The following CSMD1 variants were observed in gnomAD, a reference collection of about 807,000 sequenced individuals.
CSMD1 encodes the protein CUB and sushi domain-containing protein 1.
A neutral mutation model predicts 417.5 loss-of-function variants in CSMD1; 213 were observed. The ratio of observed to expected loss-of-function variants is 0.51; its 90% CI spans 0.46 to 0.57. CSMD1 has a LOEUF of 0.57. Ranked by LOEUF, CSMD1 falls within the 20% of genes least tolerant of loss-of-function variation. The pLI is 0.00. For missense variants in CSMD1, 6,923 were observed against 4,529.7 expected (o/e 1.53, Z -15.17); for synonymous variants, 2,862 against 1,736.8 (o/e 1.65, Z -16.11).
intron 3 of CSMD1, among the ~76,000 whole-genome samples, chr8:4,181,763 T>C (rs968407037): frequency 6.6e-6 from 1 of 152,194 alleles, no homozygotes; most frequent in African/African-American, 2.4e-5. Context: ...TATCTTGTCA[T>C]TGAAATATTA....
intron 8 of CSMD1, among the ~76,000 whole-genome samples, chr8:3,588,167 A>T (rs1800687478): frequency 6.6e-6 from 1 of 152,006 alleles, no homozygotes; most frequent in Non-Finnish European, 1.5e-5. Flanking sequence ...TAATATTCAT[A>T]GTTTTCATCA....
intron 10 of CSMD1, among the ~76,000 whole-genome samples, chr8:3,542,823 C>T (rs540288006): frequency 2.0e-5 from 3 of 152,300 alleles, no homozygotes; most frequent in Admixed American, 6.5e-5. Flanking sequence ...AAGCAAGATC[C>T]ATAACCCTGG....
chr8:4,145,168 T>C (rs897656433), intron 3 of CSMD1, among the ~76,000 whole-genome samples: 3 of 151,166 alleles, frequency 2.0e-5, no homozygotes, highest in African/African-American at 7.4e-5. Flanking sequence ...ACGAACCCAT[T>C]CATTCAATTA....
At chr8:4,183,404 A>G (rs1023468281) in intron 3 of CSMD1, among the ~76,000 whole-genome samples, 1 of 152,260 alleles carries the variant, frequency 6.6e-6, no homozygotes, top group South Asian at 2.1e-4. Flanking sequence ...TGTAAAAGCA[A>G]CTCCATAAAA....
At chr8:3,723,736 C>T (rs1802322400) in intron 6 of CSMD1, among the ~76,000 whole-genome samples, 1 of 152,110 alleles carries the variant, frequency 6.6e-6, no homozygotes, top group Non-Finnish European at 1.5e-5. Context: ...CAATATCTAA[C>T]TTATTTTTAG....
At chr8:3,945,454 T>A (rs1270408887) in intron 5 of CSMD1, among the ~76,000 whole-genome samples, 5 of 152,116 alleles carry the variant, frequency 3.3e-5, no homozygotes, top group African/African-American at 4.8e-5. Flanking sequence ...ACTGCTAATC[T>A]TTTCAATTGT....
intron 49 of CSMD1, among the ~76,000 whole-genome samples, chr8:3,086,375 G>A (rs532155547): frequency 6.6e-6 from 1 of 152,060 alleles, no homozygotes. Context: ...TACAATAACT[G>A]TGATAAGTAT....
chr8:4,434,405 T>A (rs909495304), intron 2 of CSMD1, among the ~76,000 whole-genome samples: 1 of 152,118 alleles, frequency 6.6e-6, no homozygotes, highest in African/African-American at 2.4e-5. Flanking sequence ...TCTGAGTGTT[T>A]GGCAGCACAA....
At chr8:3,763,796 G>C (rs1040560083) in intron 5 of CSMD1, among the ~76,000 whole-genome samples, 1 of 152,074 alleles carries the variant, frequency 6.6e-6, no homozygotes, top group Non-Finnish European at 1.5e-5. Context: ...TATTCTCAGA[G>C]GACCCAGGTC....
At chr8:4,588,806 A>AC (rs1563313415) in intron 2 of CSMD1, among the ~76,000 whole-genome samples, 5 of 150,990 alleles carry the variant, frequency 3.3e-5, no homozygotes, top group South Asian at 4.2e-4. Flanking sequence ...ACACACACAC[A>AC]AAAGAAACTC....
At chr8:4,295,146 A>C (rs1444294859) in intron 3 of CSMD1, among the ~76,000 whole-genome samples, 2 of 145,986 alleles carry the variant, frequency 1.4e-5, no homozygotes, top group Non-Finnish European at 3.0e-5. Flanking sequence ...ATATAATCTT[A>C]AGATTACGCA....
chr8:2,978,291 G>A (rs1805104712), intron 55 of CSMD1, among the ~76,000 whole-genome samples: 1 of 152,162 alleles, frequency 6.6e-6, no homozygotes, highest in Non-Finnish European at 1.5e-5. Context: ...GAGCTGTGTG[G>A]ACCAGGCCTA....
intron 33 of CSMD1, among the ~76,000 whole-genome samples, chr8:3,193,597 T>C (rs1310773892): frequency 6.6e-6 from 1 of 152,144 alleles, no homozygotes; most frequent in Non-Finnish European, 1.5e-5. Context: ...CATCATTCTC[T>C]ATCCTTTAGT....
chr8:3,504,346 G>C (rs745726635), intron 10 of CSMD1, among the ~76,000 whole-genome samples: 9 of 152,154 alleles, frequency 5.9e-5, no homozygotes, highest in African/African-American at 1.2e-4. Flanking sequence ...TGAAAGAATT[G>C]TTTAACCTTT....
At chr8:4,108,389 C>G (rs1411668651) in intron 3 of CSMD1, among the ~76,000 whole-genome samples, 1 of 152,198 alleles carries the variant, frequency 6.6e-6, no homozygotes, top group Non-Finnish European at 1.5e-5. Flanking sequence ...AAGAACTACT[C>G]TCGACCATGT....
rs11371186 is a variant in CSMD1 at position 4,015,661 on chromosome 8, T to TAAA, written c.610+16241_610+16243dup. On this transcript the variant is annotated intron_variant, in intron 4 of 69. Transcript: ENST00000635120. ...AATAGATAAAAATCAGTTTGAATCT[T>TAAA]AAAAAAAAAAAAAAAAAAAAAACTC... is the stretch of plus-strand genomic sequence containing the variant. Among the ~76,000 whole-genome samples, 652 of 97,408 alleles carry TAAA rather than the reference T, an allele frequency of 6.7e-3. 9 individuals are homozygous for TAAA. The highest frequency in any genetic ancestry group is 0.015 in the African/African-American group (360 of 23,992). The allele number at this position is 97,408 out of a possible 152,430, so 63.9% of individuals were successfully genotyped here.
At chr8:3,942,243 TAATAGA>T (rs1485035453) in intron 5 of CSMD1, among the ~76,000 whole-genome samples, 12 of 152,088 alleles carry the variant, frequency 7.9e-5, no homozygotes, top group African/African-American at 2.9e-4. Context: ...TGTGTAATCT[TAATAGA>T]AATAAACTGC....
At chr8:4,891,053 C>T (rs1450838851) in intron 1 of CSMD1, among the ~76,000 whole-genome samples, 1 of 152,076 alleles carries the variant, frequency 6.6e-6, no homozygotes, top group Admixed American at 6.5e-5. Context: ...ATTACATGCC[C>T]AAATTAATAG....
At chr8:4,712,884 G>C (rs146448937) in intron 1 of CSMD1, among the ~76,000 whole-genome samples, 1 of 152,170 alleles carries the variant, frequency 6.6e-6, no homozygotes, top group Non-Finnish European at 1.5e-5. Context: ...CATGCCGATG[G>C]ATGGAAGAAG....
Sources: allele counts gnomAD v4.1 joint callset (sites outside exome capture counted in the v4.1 genomes callset), GRCh38; gene constraint gnomAD v4.1.1; transcripts MANE v1.5; gene names NCBI Gene and HGNC (gene_info 2026-07-23, HGNC 2026-07-21).